The following AFF2 variants were observed in gnomAD, a reference collection of about 807,000 sequenced individuals.
AFF2 encodes AF4/FMR2 family member 2.
A neutral mutation model predicts 76.9 loss-of-function variants in AFF2; 14 were observed. The observed-to-expected ratio is 0.18, with a 90% CI of 0.12 to 0.28. The LOEUF (loss-of-function observed/expected upper bound fraction) is 0.28. Ranked by LOEUF, AFF2 falls within the 10% of genes least tolerant of loss-of-function variation. The pLI, the probability that AFF2 is intolerant of heterozygous loss-of-function variation, is 1.00. For synonymous variants in AFF2, 398 were observed against 366.7 expected (o/e 1.09, Z -0.98); for missense variants, 868 against 1,001.1 (o/e 0.87, Z 1.79).
At chrX:148,745,020 T>C (rs1557265981) in intron 3 of AFF2, among the ~76,000 whole-genome samples, 1 of 111,803 alleles carries the variant, frequency 8.9e-6, no homozygotes, top group Non-Finnish European at 1.9e-5. Context: ...TCAAGTTGTC[T>C]CTACCATGGC....
At chrX:148,532,487 C>G (rs1427996736) in intron 1 of AFF2, among the ~76,000 whole-genome samples, 2 of 112,130 alleles carry the variant, frequency 1.8e-5, no homozygotes, top group African/African-American at 6.5e-5. Flanking sequence ...GAAGAATGGT[C>G]AAGGAATGAC....
intron 1 of AFF2, among the ~76,000 whole-genome samples, chrX:148,632,431 G>A (rs1289543854): frequency 9.0e-5 from 10 of 111,477 alleles, no homozygotes; most frequent in East Asian, 2.8e-4. Context: ...CATTACACCC[G>A]GAGAATTGGG....
At chrX:148,634,068 A>G (rs1437588760) in intron 1 of AFF2, among the ~76,000 whole-genome samples, 1 of 111,704 alleles carries the variant, frequency 9.0e-6, no homozygotes, top group Non-Finnish European at 1.9e-5. Flanking sequence ...GATCTTCCCT[A>G]AAATGGAAAA....
intron 1 of AFF2, among the ~76,000 whole-genome samples, chrX:148,629,020 A>G (rs1167798530): frequency 8.9e-6 from 1 of 111,935 alleles, no homozygotes; most frequent in African/African-American, 3.2e-5. Flanking sequence ...ATCTCATTTT[A>G]AAGTAATTAT....
intron 9 of AFF2, among the ~76,000 whole-genome samples, chrX:148,938,760 G>A (rs782056221): frequency 8.9e-6 from 1 of 111,881 alleles, no homozygotes; most frequent in African/African-American, 3.2e-5. Context: ...CTTTCTCCTT[G>A]TTCATTCTAG....
At chrX:148,790,297 A>G (rs1360992601) in intron 3 of AFF2, among the ~76,000 whole-genome samples, 1 of 111,840 alleles carries the variant, frequency 8.9e-6, no homozygotes, top group Non-Finnish European at 1.9e-5. Flanking sequence ...TCAAAGATCT[A>G]GAACAAGAAA....
chrX:148,533,459 A>G (rs2124248930), intron 1 of AFF2, among the ~76,000 whole-genome samples: 1 of 109,941 alleles, frequency 9.1e-6, no homozygotes, highest in East Asian at 2.9e-4. Flanking sequence ...AGCCCGGCTA[A>G]TTTTTTGTAT....
chrX:148,569,216 G>A (rs2053201519), intron 1 of AFF2, among the ~76,000 whole-genome samples: 1 of 110,976 alleles, frequency 9.0e-6, no homozygotes, highest in African/African-American at 3.3e-5. Flanking sequence ...GGAATAGGAG[G>A]AAGAGGATTT....
chrX:148,876,576 C>T (rs1174970518), intron 7 of AFF2, among the ~76,000 whole-genome samples: 1 of 111,734 alleles, frequency 8.9e-6, no homozygotes, highest in African/African-American at 3.3e-5. Flanking sequence ...ATACTACCAG[C>T]CTTTGTTAGA....
Position 148,996,699 on chromosome X carries a change from G to GT in AFF2, c.*5371dup. The GT allele has an allele frequency of 8.9e-6, 1 of 111,978 alleles. No individual in the cohort carries two copies. Among genetic ancestry groups the GT allele is most frequent in the East Asian group, 2.8e-4 (1 of 3,542 alleles). The allele number at this position is 111,978 out of a possible 1,213,427, so 9.2% of individuals were successfully genotyped here. A position where few individuals can be genotyped will look rare whatever the true frequency, so the allele number is the denominator to read the frequency against. On this transcript the variant is annotated 3_prime_UTR_variant, in exon 21 of 21. Transcript: ENST00000370460. ...GGTATGGGTTGCCCTGGAAGCCTAGGTTTTAAGCAGGAGAATAGCTGAGAA... is the reference window on the plus strand; with the variant it reads ...GGTATGGGTTGCCCTGGAAGCCTAGGTTTTTAAGCAGGAGAATAGCTGAGAA...
At chrX:148,881,157 T>A (rs1235566368) in intron 7 of AFF2, among the ~76,000 whole-genome samples, 1 of 111,837 alleles carries the variant, frequency 8.9e-6, no homozygotes, top group Non-Finnish European at 1.9e-5. Context: ...AGGAACACCA[T>A]TTTGTAGTTC....
intron 7 of AFF2, among the ~76,000 whole-genome samples, chrX:148,865,079 A>G (rs1309656406): frequency 1.8e-5 from 2 of 112,360 alleles, no homozygotes; most frequent in African/African-American, 6.5e-5. Context: ...GCAGGTCACA[A>G]ATTGAATAAT....
At chrX:148,770,769 C>T (rs1180432255) in intron 3 of AFF2, among the ~76,000 whole-genome samples, 1 of 111,970 alleles carries the variant, frequency 8.9e-6, no homozygotes, top group African/African-American at 3.2e-5. Context: ...CTTTCTGTTG[C>T]TGAAATTATT....
intron 3 of AFF2, among the ~76,000 whole-genome samples, chrX:148,762,739 G>C (rs2069467214): frequency 1.8e-5 from 2 of 110,847 alleles, no homozygotes; most frequent in South Asian, 7.7e-4. Flanking sequence ...TGCTCTGGCT[G>C]CTAGGGAACT....
At chrX:148,742,329 T>C (rs1190472381) in intron 3 of AFF2, among the ~76,000 whole-genome samples, 1 of 112,487 alleles carries the variant, frequency 8.9e-6, no homozygotes, top group Non-Finnish European at 1.9e-5. Context: ...CTCTTACTAG[T>C]TTCTGGATGA....
chrX:148,711,416 C>T (rs992478750), intron 3 of AFF2, among the ~76,000 whole-genome samples: 4 of 111,774 alleles, frequency 3.6e-5, no homozygotes, highest in African/African-American at 9.7e-5. Context: ...TAAGGGGAAT[C>T]GTATTTGATG....
chrX:148,576,714 G>A (rs1467341293), intron 1 of AFF2, among the ~76,000 whole-genome samples: 1 of 111,014 alleles, frequency 9.0e-6, no homozygotes, highest in Non-Finnish European at 1.9e-5. Flanking sequence ...CGAAAAGGTG[G>A]CTACCCACCA....
intron 3 of AFF2, among the ~76,000 whole-genome samples, chrX:148,728,996 A>G: frequency 9.0e-6 from 1 of 111,653 alleles, no homozygotes; most frequent in Non-Finnish European, 1.9e-5. Flanking sequence ...TTTGTGTGTC[A>G]CTCTGCATCT....
At chrX:148,654,390 G>A (rs2124459657) in intron 2 of AFF2, among the ~76,000 whole-genome samples, 1 of 111,461 alleles carries the variant, frequency 9.0e-6, no homozygotes, top group East Asian at 2.9e-4. Flanking sequence ...ATGGGAAGTG[G>A]TTAAGTAAAG....
Sources: allele counts gnomAD v4.1 joint callset (sites outside exome capture counted in the v4.1 genomes callset), GRCh38; gene constraint gnomAD v4.1.1; transcripts MANE v1.5; gene names NCBI Gene and HGNC (gene_info 2026-07-23, HGNC 2026-07-21).